The following SLC25A23 variants were observed in gnomAD, a reference collection of about 807,000 sequenced individuals.
SLC25A23 encodes mitochondrial adenyl nucleotide antiporter SLC25A23.
A neutral mutation model predicts 53.9 loss-of-function variants in SLC25A23; 32 were observed. The observed-to-expected ratio is 0.59, with a 90% CI of 0.45 to 0.80. The LOEUF (loss-of-function observed/expected upper bound fraction) is 0.80. SLC25A23 is among the 30% of genes least tolerant of loss of function. SLC25A23 has a pLI of 0.00. For missense variants in SLC25A23, 575 were observed against 651.4 expected (o/e 0.88, Z 1.28); for synonymous variants, 275 against 264.5 (o/e 1.04, Z -0.38).
intron 8 of SLC25A23, among the ~76,000 whole-genome samples, chr19:6,445,725 G>A (rs1447562898): frequency 6.6e-6 from 1 of 152,032 alleles, no homozygotes; most frequent in Non-Finnish European, 1.5e-5. Flanking sequence ...TTGTTTGCTT[G>A]CAAGAAGGGT....
Position 6,454,062 on chromosome 19 carries a change from C to G in SLC25A23, c.822G>C (p.Gln274His), listed in dbSNP as rs2092636515. 1 of 1,613,400 alleles carries G rather than the reference C, an allele frequency of 6.2e-7. No homozygotes were observed. The highest frequency in any genetic ancestry group is 1.1e-5 in the South Asian group (1 of 91,048). Residue 274 changes from glutamine to histidine, a missense_variant, in exon 7 of 10, where the codon CAG (glutamine) becomes CAC (histidine). Gln to His is a conservative substitution (Grantham distance 24). Coordinates refer to ENST00000301454, the MANE Select transcript of SLC25A23 (RefSeq NM_024103.3). This position sits in a 1 kb window ranked among gnomAD's most constrained non-coding sequence, Gnocchi z 4.3. Reference sequence around the variant, plus strand: ...AGCGCTCCTGCACATGCAGTGTCTCCTGCTGCCCCAGGATGGCCCTCTTGA... The same window carrying G: ...AGCGCTCCTGCACATGCAGTGTCTCGTGCTGCCCCAGGATGGCCCTCTTGA... ...EQIKRAILGQ[Q>H]ETLHVQERFV...
At chr19:6,456,260 G>T in intron 4 of SLC25A23, 160 bp downstream of exon 4, 1 of 921,846 alleles carries the variant, frequency 1.1e-6, no homozygotes, top group Non-Finnish European at 1.6e-6. Context: ...ACCCTAAGTG[G>T]AGGAAGAGAG....
At chr19:6,458,403 T>C in intron 1 of SLC25A23, 79 bp from the exon 2 acceptor site, 2 of 1,498,124 alleles carry the variant, frequency 1.3e-6, no homozygotes, top group Middle Eastern at 1.7e-4. Context: ...CCTTATGCCT[T>C]AGGAACCCAG....
chr19:6,450,761 A>G (rs1299093683), intron 8 of SLC25A23, among the ~76,000 whole-genome samples: 4 of 152,044 alleles, frequency 2.6e-5, no homozygotes, highest in South Asian at 2.1e-4. Context: ...CCAGTGCACA[A>G]TGTAAAAGGG....
Position 6,444,177 on chromosome 19 carries a change from A to C in SLC25A23, c.1196T>G (p.Leu399Arg). Residue 399 changes from leucine (L) to arginine (R), a missense_variant, in exon 9 of 10, where the codon CTG becomes CGG. Leu to Arg is a moderately radical substitution (Grantham distance 102). Coordinates refer to ENST00000301454, the MANE Select transcript of SLC25A23 (RefSeq NM_024103.3). The part of the protein sequence containing the change: ...CGQIASYPLA[L>R]VRTRMQAQAS... ...TTGTGCCTGCATGCGGGTCCGGACC[A>C]GGGCCAGCGGGTAACTGGCTATCTG... 1 of 1,595,484 alleles carries C rather than the reference A, an allele frequency of 6.3e-7. No homozygotes were observed. The highest frequency in any genetic ancestry group is 8.5e-7 in the Non-Finnish European group (1 of 1,170,928).
intron 8 of SLC25A23, among the ~76,000 whole-genome samples, chr19:6,451,829 C>A (rs1396921200): frequency 8.1e-6 from 1 of 123,800 alleles, no homozygotes; most frequent in African/African-American, 5.0e-5. Flanking sequence ...TCTTTGCCTG[C>A]CTTTTTTTTT....
At chr19:6,444,053 C>G (rs112381451) in intron 9 of SLC25A23, 98 bp downstream of exon 9, 1 of 1,332,048 alleles carries the variant, frequency 7.5e-7, no homozygotes, top group Non-Finnish European at 9.9e-7. Flanking sequence ...AGAAGCCCAT[C>G]GAAATCCAGG....
At chr19:6,457,399 A>C (rs2092696897) in intron 3 of SLC25A23, 104 bp downstream of exon 3, 3 of 1,034,132 alleles carry the variant, frequency 2.9e-6, no homozygotes, top group Admixed American at 2.0e-5. Context: ...CCAACCTCTC[A>C]GCTGTATCCT....
chr19:6,457,380 T>A (rs1305288354), intron 3 of SLC25A23, 123 bp downstream of exon 3: 1 of 879,128 alleles, frequency 1.1e-6, no homozygotes, highest in Non-Finnish European at 1.8e-6. Flanking sequence ...TCTGTCTGAC[T>A]TCAAAGCCCC....
In SLC25A23 at chr19:6,454,396, A is replaced by C; in HGVS notation, c.722T>G (p.Leu241Arg). The change falls in exon 6 of 10, where the codon CTG (leucine) becomes CGG (arginine). Residue 241 changes from leucine (L) to arginine (R), a missense_variant. Coordinates refer to ENST00000301454, the MANE Select transcript of SLC25A23 (RefSeq NM_024103.3). The surrounding 1 kb of genome is among the most constrained non-coding windows in gnomAD (Gnocchi z 4.3). Reference protein sequence around the residue: ...SMVLEGGIRSLWRGNGINVLK... With the variant: ...SMVLEGGIRSRWRGNGINVLK... The stretch of plus-strand genomic sequence containing the variant: ...TACATTAATACCATTGCCGCGCCAC[A>C]GGGAGCGGATGCCTCCCTCAAGGAC... The C allele has an allele frequency of 6.2e-7, 1 of 1,614,198 alleles. No homozygotes were observed. The highest frequency in any genetic ancestry group is 1.7e-5 in the Admixed American group (1 of 60,020).
In SLC25A23 at chr19:6,441,084, A is replaced by T. The variant is rs1016186536; in HGVS notation, c.*891T>A. ...CCCCCGCACTTGTTTTAGGAGCCAG[A>T]ATCTGGTGGGTGAAGGCTTGGGAAT... On this transcript the variant is annotated 3_prime_UTR_variant, in exon 10 of 10. Transcript: ENST00000301454. 1.3e-5 allele frequency: 2 copies of T among 152,100 alleles called. No homozygotes were observed. Among genetic ancestry groups the T allele is most frequent in the African/African-American group, 4.8e-5 (2 of 41,410 alleles). The allele number at this position is 152,100 out of a possible 1,614,324, so 9.4% of individuals were successfully genotyped here. A position where few individuals can be genotyped will look rare whatever the true frequency, so the allele number is the denominator to read the frequency against.
At chr19:6,436,500 A>G, downstream of SLC25A23, 2 of 448,786 alleles carry the variant, frequency 4.5e-6, no homozygotes, top group Non-Finnish European at 9.0e-6. Context: ...AAAGGGGGAG[A>G]GAGAGAGAGA....
In SLC25A23 at chr19:6,458,205, G is replaced by T. The variant is rs771419699; in HGVS notation, c.276C>A (p.Asn92Lys). ...LLLMFHSLDR[N>K]QDGHIDVSEI... The stretch of plus-strand genomic sequence containing the variant: ...CAGGTCGCCCGACCTTACCATCCTG[G>T]TTCCGGTCAAGACTGTGAAACATGA... Residue 92 changes from asparagine (N) to lysine (K), a missense_variant, in exon 2 of 10, where the codon AAC (asparagine) becomes AAA (lysine). By Grantham distance (94) the Asn-to-Lys change is moderately conservative. Coordinates refer to ENST00000301454, the MANE Select transcript of SLC25A23 (RefSeq NM_024103.3). The T allele has an allele frequency of 1.2e-6, 2 of 1,613,390 alleles. 1 individual carries two copies. The highest frequency in any genetic ancestry group is 2.2e-5 in the South Asian group (2 of 91,076).
intron 9 of SLC25A23, among the ~76,000 whole-genome samples, chr19:6,443,044 TTC>T (rs1381811358): frequency 6.6e-6 from 1 of 151,592 alleles, no homozygotes; most frequent in Non-Finnish European, 1.5e-5. Context: ...GTTCAAGTGA[TTC>T]TCCTGCCTCA....
intron 8 of SLC25A23, among the ~76,000 whole-genome samples, chr19:6,451,848 T>TTTTTTTG (rs1271042073): frequency 6.7e-6 from 1 of 150,264 alleles, no homozygotes; most frequent in African/African-American, 2.5e-5. Flanking sequence ...TTTTTTTTTT[T>TTTTTTTG]GAGAAGGAGT....
chr19:6,454,453 C>T lies in SLC25A23; in HGVS notation c.665G>A (p.Arg222Gln), dbSNP rs779809798. The change falls in exon 6 of 10, where the codon CGG (arginine) becomes CAG (glutamine). Residue 222 changes from arginine to glutamine, a missense_variant. By Grantham distance (43) the Arg-to-Gln change is conservative (BLOSUM62 1). Transcript: ENST00000301454. This position sits in a 1 kb window ranked among gnomAD's most constrained non-coding sequence, Gnocchi z 4.3. The stretch of plus-strand genomic sequence containing the variant: ...TCGAAGCCCCCCAAGGATGTTCAGC[C>T]GGTTGGTCTTTGAGGCATGGACCTG... ...FMQVHASKTN[R>Q]LNILGGLRSM... 71 of 1,614,124 alleles carry T rather than the reference C, an allele frequency of 4.4e-5. No homozygotes were observed. The highest frequency in any genetic ancestry group is 3.3e-4 in the Middle Eastern group (2 of 6,062).
chr19:6,437,910 C>CAA (rs1222700150), downstream of SLC25A23, among the ~76,000 whole-genome samples: 18 of 118,440 alleles, frequency 1.5e-4, no homozygotes, highest in African/African-American at 5.0e-4. Context: ...ACTAAAAATA[C>CAA]AAAAAAAAAA....
intron 4 of SLC25A23, chr19:6,455,916 T>C: frequency 1.3e-6 from 1 of 786,400 alleles, no homozygotes; most frequent in Non-Finnish European, 1.8e-6. Flanking sequence ...AGACGGGGTT[T>C]CACCATGTTA....
intron 8 of SLC25A23, among the ~76,000 whole-genome samples, chr19:6,451,385 G>A (rs933329812): frequency 2.6e-5 from 4 of 151,906 alleles, no homozygotes; most frequent in African/African-American, 7.3e-5. Flanking sequence ...GCGAGACTCC[G>A]TCTCAAAAAA....
Sources: allele counts gnomAD v4.1 joint callset (sites outside exome capture counted in the v4.1 genomes callset), GRCh38; gene constraint gnomAD v4.1.1; non-coding constraint Gnocchi (gnomAD v3.1); transcripts MANE v1.5; gene names NCBI Gene and HGNC (gene_info 2026-07-23, HGNC 2026-07-21).